Variants in CENPP observed in about 807,000 individuals in gnomAD.
CENPP encodes centromere protein P.
A neutral mutation model predicts 35.6 loss-of-function variants in CENPP; 24 were observed. That is an observed-to-expected ratio of 0.67 (90% CI 0.49 to 0.95). The LOEUF is 0.95. CENPP is among the 40% of genes least tolerant of loss of function. The pLI is 0.00. For missense variants in CENPP, 332 were observed against 345.3 expected (o/e 0.96, Z 0.31); for synonymous variants, 120 against 125.5 (o/e 0.96, Z 0.29).
At position 92,546,672 on chromosome 9, in the gene CENPP, C is replaced by T. The variant is rs777344793; in HGVS notation, c.565-64642C>T. Among the ~76,000 whole-genome samples the T allele has an allele frequency of 2.6e-5, 4 of 152,116 alleles. No individual in the cohort carries two copies. The East Asian group carries it at 5.8e-4, about 22-fold the overall frequency. ...TGCCTTTAAGAACTGTAACACTCAC[C>T]GTGAGGGTCCGCGGCTTCATTCTTG... is the stretch of plus-strand genomic sequence containing the variant. On this transcript the variant is annotated intron_variant, in intron 5 of 7. Transcript: ENST00000375587.
intron 4 of CENPP, among the ~76,000 whole-genome samples, chr9:92,374,887 G>A (rs1588070505): frequency 6.6e-6 from 1 of 152,278 alleles, no homozygotes; most frequent in East Asian, 1.9e-4. Flanking sequence ...AAGTCTACAA[G>A]TAACAGACCT....
intron 5 of CENPP, among the ~76,000 whole-genome samples, chr9:92,396,766 A>G (rs1842909199): frequency 6.6e-6 from 1 of 152,062 alleles, no homozygotes; most frequent in Admixed American, 6.6e-5. Flanking sequence ...ACATGGTGTC[A>G]CTATGTTGCC....
intron 5 of CENPP, among the ~76,000 whole-genome samples, chr9:92,382,892 CTTTTT>C (rs1213731251): frequency 1.0e-4 from 7 of 69,812 alleles, no homozygotes; most frequent in Admixed American, 2.1e-4. Flanking sequence ...CACTGTTTTC[CTTTTT>C]TTTTTTTTTT....
chr9:92,446,812 T>TAAA lies in CENPP; in HGVS notation c.564+66966_564+66968dup, dbSNP rs34507432. ...GGCAACAGAGTGGGACTCTGTCTCTTAAAAAAAAAAAAAAATAGAAAAGAA... is the reference window on the plus strand; with the variant it reads ...GGCAACAGAGTGGGACTCTGTCTCTTAAAAAAAAAAAAAAAAAATAGAAAAGAA... On this transcript the variant is annotated intron_variant, in intron 5 of 7. Coordinates refer to ENST00000375587, the MANE Select transcript of CENPP (RefSeq NM_001012267.3). Among the ~76,000 whole-genome samples the TAAA allele has an allele frequency of 2.3e-4, 29 of 126,570 alleles. No homozygotes were observed. In the South Asian group the frequency reaches 4.7e-3, roughly 20 times the overall value. The allele number at this position is 126,570 out of a possible 152,430, so 83.0% of individuals were successfully genotyped here.
intron 5 of CENPP, chr9:92,465,025 C>T (rs1040181197): frequency 2.2e-5 from 36 of 1,604,626 alleles, no homozygotes; most frequent in Non-Finnish European, 3.1e-5. Context: ...GGTTTGCACT[C>T]ATTTCTGTCA....
intron 5 of CENPP, among the ~76,000 whole-genome samples, chr9:92,578,959 T>C (rs1850352157): frequency 6.6e-6 from 1 of 152,212 alleles, no homozygotes; most frequent in African/African-American, 2.4e-5. Context: ...CTTTAATCCA[T>C]CTTGAATTGA....
intron 4 of CENPP, among the ~76,000 whole-genome samples, chr9:92,346,353 A>G (rs1347804101): frequency 6.6e-6 from 1 of 152,160 alleles, no homozygotes; most frequent in Non-Finnish European, 1.5e-5. Flanking sequence ...TTGAACTGAC[A>G]TCTGAAAAAT....
In CENPP at chr9:92,416,092, T is replaced by A. The variant is rs1398678093; in HGVS notation, c.564+36233T>A. ...TATATTTATTTATTTATTTATTTAT[T>A]TATTTATTTTATTTTTTTTTTTTTT... On this transcript the variant is annotated intron_variant, in intron 5 of 7. Transcript: ENST00000375587. Among the ~76,000 whole-genome samples the A allele has an allele frequency of 3.1e-4, 42 of 136,980 alleles. 2 individuals are homozygous for A. The highest frequency in any genetic ancestry group is 8.8e-4 in the African/African-American group (34 of 38,812). 89.9% of individuals were successfully genotyped at this position (136,980 alleles called of 152,430 possible).
Position 92,375,873 on chromosome 9 carries a change from T to A in CENPP, c.468-3890T>A, listed in dbSNP as rs192501068. ...TTAATTTCTTTTTTTTTTTTTCCTATGACTGGGCCATATTTTCTTGTTTCT... is the reference window on the plus strand; with the variant it reads ...TTAATTTCTTTTTTTTTTTTTCCTAAGACTGGGCCATATTTTCTTGTTTCT... On this transcript the variant is annotated intron_variant, in intron 4 of 7. Transcript: ENST00000375587. 4.0e-5 allele frequency among the ~76,000 whole-genome samples: 6 copies of A among 151,730 alleles called. No individual in the cohort carries two copies. In the East Asian group the frequency reaches 1.2e-3, roughly 29 times the overall value.
chr9:92,539,809 A>G (rs1376683374), intron 5 of CENPP, among the ~76,000 whole-genome samples: 2 of 152,176 alleles, frequency 1.3e-5, no homozygotes, highest in Non-Finnish European at 2.9e-5. Flanking sequence ...TAAGTGGAGT[A>G]ATGATATATA....
chr9:92,573,025 G>A (rs551646806), intron 5 of CENPP, among the ~76,000 whole-genome samples: 15 of 152,142 alleles, frequency 9.9e-5, no homozygotes, highest in Admixed American at 3.3e-4. Context: ...GCTTCTTTGC[G>A]ATGGGTTCGA....
At chr9:92,436,337 T>C (rs1244318613) in intron 5 of CENPP, among the ~76,000 whole-genome samples, 1 of 152,258 alleles carries the variant, frequency 6.6e-6, no homozygotes, top group East Asian at 1.9e-4. Context: ...GCAAAGATTT[T>C]CTCCATTCTA....
At chr9:92,362,150 A>G (rs759120921) in intron 4 of CENPP, among the ~76,000 whole-genome samples, 2 of 152,122 alleles carry the variant, frequency 1.3e-5, no homozygotes, top group Non-Finnish European at 2.9e-5. Context: ...TCACTTTGTC[A>G]TCTTTTTAAA....
intron 5 of CENPP, among the ~76,000 whole-genome samples, chr9:92,607,891 C>G (rs145616312): frequency 6.6e-6 from 1 of 152,350 alleles, no homozygotes; most frequent in East Asian, 1.9e-4. Flanking sequence ...AACATTCTTA[C>G]AGCCATCTTT....
chr9:92,500,196 TTTTTGAG>T (rs1846586926), intron 5 of CENPP, among the ~76,000 whole-genome samples: 1 of 152,188 alleles, frequency 6.6e-6, no homozygotes, highest in South Asian at 2.1e-4. Flanking sequence ...GTTAATCTTT[TTTTTGAG>T]ATGGAGTCTC....
At chr9:92,448,566 G>C (rs1009456593) in intron 5 of CENPP, among the ~76,000 whole-genome samples, 2 of 151,976 alleles carry the variant, frequency 1.3e-5, no homozygotes, top group Non-Finnish European at 2.9e-5. Flanking sequence ...GCTGCTGATT[G>C]GTTGGGGCAG....
intron 5 of CENPP, among the ~76,000 whole-genome samples, chr9:92,544,712 A>T (rs1032130042): frequency 2.3e-5 from 3 of 132,420 alleles, no homozygotes; most frequent in Admixed American, 8.0e-5. Context: ...ATCACTATAA[A>T]TTTTTTTTTT....
chr9:92,434,256 G>A (rs1844192125), intron 5 of CENPP, among the ~76,000 whole-genome samples: 1 of 151,876 alleles, frequency 6.6e-6, no homozygotes, highest in African/African-American at 2.4e-5. Context: ...GGGTGTGGTG[G>A]TGCACACCTG....
chr9:92,391,609 A>G (rs368758529), intron 5 of CENPP, among the ~76,000 whole-genome samples: 2 of 151,778 alleles, frequency 1.3e-5, no homozygotes, highest in Non-Finnish European at 1.5e-5. Flanking sequence ...AAACAAAAAA[A>G]CCCCCCAAAA....
Sources: gnomAD v4.1 joint callset for allele counts (sites outside exome capture counted in the v4.1 genomes callset) on GRCh38, gnomAD v4.1.1 for gene constraint, MANE v1.5 for transcripts, NCBI Gene and HGNC (gene_info 2026-07-23, HGNC 2026-07-21) for gene names.